Variants in MTMR3 observed in about 807,000 individuals in gnomAD.
The protein encoded by MTMR3 is myotubularin related protein 3.
Under a neutral mutation model 132.4 loss-of-function variants are expected in MTMR3, and 32 were observed. The ratio of observed to expected loss-of-function variants is 0.24; its 90% CI spans 0.18 to 0.32. The LOEUF is 0.32. Ranked by LOEUF, MTMR3 falls within the 10% of genes least tolerant of loss-of-function variation. The pLI is 1.00. For synonymous variants in MTMR3, 556 were observed against 550.3 expected (o/e 1.01, Z -0.14); for missense variants, 1,216 against 1,489.6 (o/e 0.82, Z 3.02).
chr22:29,928,213 C>T (rs953676545), intron 1 of MTMR3, among the ~76,000 whole-genome samples: 1 of 150,114 alleles, frequency 6.7e-6, no homozygotes, highest in Non-Finnish European at 1.5e-5. Flanking sequence ...GCTCTTGTCC[C>T]CCAGGCTGGA....
At position 30,007,094 on chromosome 22, in the gene MTMR3, G is replaced by T. The variant is rs750902684; in HGVS notation, c.672-20G>T. 42 of 1,612,248 alleles carry T rather than the reference G, an allele frequency of 2.6e-5. No individual in the cohort carries two copies. Among genetic ancestry groups the T allele is most frequent in the Non-Finnish European group, 3.5e-5 (41 of 1,179,488 alleles). On this transcript the variant is annotated intron_variant, in intron 9 of 19. Coordinates refer to ENST00000401950, the MANE Select transcript of MTMR3 (RefSeq NM_021090.4). ...GAGCATCTGAATGGGTACAGTTGTT[G>T]TCTCTTGTTCCTCACACAGGCACCA...
intron 12 of MTMR3, 70 bp downstream of exon 12, chr22:30,009,199 A>G: frequency 1.8e-6 from 2 of 1,118,364 alleles, no homozygotes; most frequent in Non-Finnish European, 2.7e-6. Flanking sequence ...TCCTTGAACT[A>G]AGGGGGAAAA....
chr22:29,994,089 G>A (rs2145913835), intron 7 of MTMR3: 4 of 985,128 alleles, frequency 4.1e-6, no homozygotes, highest in Non-Finnish European at 4.8e-6. Flanking sequence ...TGTTAATGCT[G>A]CAGAGTTCAA....
intron 1 of MTMR3, among the ~76,000 whole-genome samples, chr22:29,887,977 G>A (rs1174228242): frequency 1.3e-5 from 2 of 151,902 alleles, no homozygotes; most frequent in Admixed American, 6.6e-5. Context: ...TCACTTATCT[G>A]GGGTCTAAAT....
rs7293042 is a variant in MTMR3, at chr22:29,986,724, C to T, written c.211-1756C>T. ...TGTTGCCCAGGCTGGTGTGCAATGACACGATCTCAGCTTACCGCAGTCTCT... is the reference window on the plus strand; with the variant it reads ...TGTTGCCCAGGCTGGTGTGCAATGATACGATCTCAGCTTACCGCAGTCTCT... On this transcript the variant is annotated intron_variant, in intron 5 of 19. Coordinates refer to ENST00000401950, the MANE Select transcript of MTMR3 (RefSeq NM_021090.4). The T allele has an allele frequency of 2.0e-3, 735 of 376,506 alleles. 6 individuals carry two copies. Among genetic ancestry groups the T allele is most frequent in the African/African-American group, 0.015 (690 of 45,466 alleles). The allele number at this position is 376,506 out of a possible 1,614,324, so 23.3% of individuals were successfully genotyped here.
In MTMR3 at chr22:30,029,422, G is replaced by A. The variant is rs1278744598; in HGVS notation, c.*3621G>A. On this transcript the variant is annotated 3_prime_UTR_variant, in exon 20 of 20. Coordinates refer to ENST00000401950, the MANE Select transcript of MTMR3 (RefSeq NM_021090.4). ...TGCTAACTCTTTTCATGTTAGCAAA[G>A]AATATTCTATGAATTAGAATGTTAC... 1 of 152,324 alleles carries A rather than the reference G, an allele frequency of 6.6e-6. No homozygotes were observed. The highest frequency in any genetic ancestry group is 1.5e-5 in the Non-Finnish European group (1 of 68,038). The allele number at this position is 152,324 out of a possible 1,614,324, so 9.4% of individuals were successfully genotyped here.
At chr22:29,884,317 A>G (rs3827328) in intron 1 of MTMR3, among the ~76,000 whole-genome samples, 3 of 152,186 alleles carry the variant, frequency 2.0e-5, no homozygotes, top group Non-Finnish European at 2.9e-5. Flanking sequence ...TTAAGGTTCA[A>G]CTTTCTCATA....
rs773348982 is a variant in MTMR3, at chr22:30,007,228, C to T, written c.786C>T (p.Ala262=). The T allele has an allele frequency of 5.0e-6, 8 of 1,614,218 alleles. No homozygotes were observed. In the Admixed American group the frequency reaches 1.0e-4, roughly 20 times the overall value. ...TACAGTCAGTAGCCAAAGCTTGTGC[C>T]TCTGACTCCCGATCGAGTGGCAGCA... is the stretch of plus-strand genomic sequence containing the variant. ...HLVQSVAKAC[A]SDSRSSGSKL... Residue 262 remains alanine, a synonymous_variant, in exon 10 of 20, where the codon GCC becomes GCT. Transcript: ENST00000401950.
chr22:29,971,412 G>C (rs2066532801), intron 3 of MTMR3, among the ~76,000 whole-genome samples: 1 of 152,100 alleles, frequency 6.6e-6, no homozygotes, highest in Admixed American at 6.6e-5. Flanking sequence ...CTGTGTGTGT[G>C]TGTTTGTGTG....
chr22:29,923,324 G>A lies in MTMR3; in HGVS notation c.-137-33712G>A, dbSNP rs541501125. On this transcript the variant is annotated intron_variant, in intron 1 of 19. Transcript: ENST00000401950. ...CCTGGCCTTGTGATCCACCCTCCTCGGCCTCTCAAAGTGCTGGGATTACAG... is the reference window on the plus strand; with the variant it reads ...CCTGGCCTTGTGATCCACCCTCCTCAGCCTCTCAAAGTGCTGGGATTACAG... Among the ~76,000 whole-genome samples the A allele has an allele frequency of 1.3e-3, 201 of 150,900 alleles. 1 individual carries two copies. Among genetic ancestry groups the A allele is most frequent in the African/African-American group, 4.6e-3 (189 of 41,012 alleles).
At chr22:29,946,054 TAATTA>T (rs1210642340) in intron 1 of MTMR3, among the ~76,000 whole-genome samples, 2 of 147,620 alleles carry the variant, frequency 1.4e-5, no homozygotes, top group Admixed American at 6.8e-5. Context: ...AATCAAGGTA[TAATTA>T]AATATAAGCA....
At chr22:29,924,685 C>T (rs187760181) in intron 1 of MTMR3, among the ~76,000 whole-genome samples, 183 of 152,268 alleles carry the variant, frequency 1.2e-3, no homozygotes, top group Non-Finnish European at 2.4e-3. Context: ...GTCTTCCAAT[C>T]CATGAACACA....
intron 1 of MTMR3, among the ~76,000 whole-genome samples, chr22:29,950,877 G>T (rs1179188549): frequency 2.2e-5 from 3 of 137,310 alleles, no homozygotes; most frequent in African/African-American, 7.4e-5. Flanking sequence ...AGTGGGCCGG[G>T]CGCAGTGGCT....
rs1251016989 is a variant in MTMR3 at position 30,019,826 on chromosome 22, T to G, written c.2167T>G (p.Leu723Val). Residue 723 changes from leucine (L) to valine (V), a missense_variant, in exon 17 of 20, where the codon TTA (leucine) becomes GTA (valine). Leu to Val is a conservative substitution (Grantham distance 32). This residue lies in a region of MTMR3 where 852 missense variants were observed against 852.0 expected (regional missense o/e 1.00). Coordinates refer to ENST00000401950, the MANE Select transcript of MTMR3 (RefSeq NM_021090.4). ...ACAGGAGGGTAAAGAGGACCCTCTC[T>G]TAGAAAAGGAGAGCAGGAGGAAGAC... is the stretch of plus-strand genomic sequence containing the variant. ...EIQEGKEDPL[L>V]EKESRRKTPE... 1.9e-6 allele frequency: 3 copies of G among 1,614,090 alleles called. No homozygotes were observed. The highest frequency in any genetic ancestry group is 8.5e-7 in the Non-Finnish European group (1 of 1,179,998).
chr22:29,957,415 G>GTATTTATTTATT (rs59964116), intron 2 of MTMR3, among the ~76,000 whole-genome samples: 3 of 147,110 alleles, frequency 2.0e-5, no homozygotes, highest in Admixed American at 6.8e-5. Context: ...ATCTCCAGTT[G>GTATTTATTTATT]TATTTATTTA....
At chr22:29,938,326 C>A (rs550921678) in intron 1 of MTMR3, among the ~76,000 whole-genome samples, 2 of 152,214 alleles carry the variant, frequency 1.3e-5, no homozygotes, top group Admixed American at 6.5e-5. Flanking sequence ...CCCACACCCC[C>A]CTTTCTTGAG....
In MTMR3 at chr22:29,892,879, G is replaced by T. The variant is rs1363831224; in HGVS notation, c.-138+9520G>T. Among the ~76,000 whole-genome samples, 3 of 152,220 alleles carry T rather than the reference G, an allele frequency of 2.0e-5. No individual in the cohort carries two copies. The East Asian group carries it at 5.8e-4, about 29-fold the overall frequency. On this transcript the variant is annotated intron_variant, in intron 1 of 19. Transcript: ENST00000401950. ...TATCTCTTTTTACCTTAGGTAACAT[G>T]ATGTATAAGCTACTTTCACATATAT...
intron 1 of MTMR3, among the ~76,000 whole-genome samples, chr22:29,896,902 CATACACACACACAA>C (rs2064911548): frequency 6.7e-6 from 1 of 148,750 alleles, no homozygotes; most frequent in South Asian, 2.1e-4. Flanking sequence ...CACACACACA[CATACACACACACAA>C]ATCCCATATA....
chr22:29,976,821 G>A (rs2066638271), intron 3 of MTMR3, among the ~76,000 whole-genome samples: 1 of 152,122 alleles, frequency 6.6e-6, no homozygotes, highest in Non-Finnish European at 1.5e-5. Flanking sequence ...GATTATGGTT[G>A]CTGTTAGTAA....
Sources: gnomAD v4.1 joint callset for allele counts (sites outside exome capture counted in the v4.1 genomes callset) on GRCh38, gnomAD v4.1.1 for gene constraint, gnomAD v4.1.1 regional missense constraint, MANE v1.5 for transcripts, NCBI Gene and HGNC (gene_info 2026-07-23, HGNC 2026-07-21) for gene names.